EPHB1: variants seen among roughly 807,000 people sequenced by gnomAD.
EPHB1 encodes the protein ephrin type-B receptor 1.
In EPHB1, 30 loss-of-function variants were observed where a neutral mutation model predicts 94.4. That is an observed-to-expected ratio of 0.32 (90% CI 0.24 to 0.43). EPHB1 has a LOEUF of 0.43. Among genes scored for constraint, EPHB1 ranks in the 20% least tolerant of loss-of-function variants. EPHB1 has a pLI of 1.00. For synonymous variants in EPHB1, 522 were observed against 489.1 expected (o/e 1.07, Z -0.89); for missense variants, 1,055 against 1,308.3 (o/e 0.81, Z 2.99).
intron 12 of EPHB1, among the ~76,000 whole-genome samples, chr3:135,239,286 C>CTT (rs5852812): frequency 5.1e-4 from 77 of 150,298 alleles, no homozygotes; most frequent in African/African-American, 8.3e-4. Context: ...CTGTTTGCTC[C>CTT]TTTTTTTTTT....
chr3:134,998,487 G>A (rs1238143351), intron 3 of EPHB1, among the ~76,000 whole-genome samples: 1 of 152,182 alleles, frequency 6.6e-6, no homozygotes, highest in Non-Finnish European at 1.5e-5. Flanking sequence ...GTTAGGATGA[G>A]CATGTACTAA....
At chr3:134,807,553 G>A (rs1158897217) in intron 1 of EPHB1, among the ~76,000 whole-genome samples, 1 of 145,966 alleles carries the variant, frequency 6.9e-6, no homozygotes, top group Non-Finnish European at 1.5e-5. Context: ...GAGAGAGAGG[G>A]GAGAGAGAGA....
rs1229672753 is a variant in EPHB1 at position 134,795,326 on chromosome 3, G to C, written c.-306G>C. On this transcript the variant is annotated 5_prime_UTR_variant, in exon 1 of 16. Coordinates refer to ENST00000398015, the MANE Select transcript of EPHB1 (RefSeq NM_004441.5). ...AGCAATGTGACACCAGGACGCACTCGCTCTCGCGCGCTCTCCCAGGCTCGT... is the reference window on the plus strand; with the variant it reads ...AGCAATGTGACACCAGGACGCACTCCCTCTCGCGCGCTCTCCCAGGCTCGT... 2.1e-6 allele frequency: 1 copy of C among 473,598 alleles called. No homozygotes were observed. The highest frequency in any genetic ancestry group is 2.1e-5 in the African/African-American group (1 of 48,330). 29.3% of individuals were successfully genotyped at this position (473,598 alleles called of 1,614,324 possible). A position where few individuals can be genotyped will look rare whatever the true frequency, so the allele number is the denominator to read the frequency against.
chr3:135,033,121 C>T (rs2107761698), intron 3 of EPHB1, among the ~76,000 whole-genome samples: 1 of 152,264 alleles, frequency 6.6e-6, no homozygotes. Flanking sequence ...GAGCAGTGAC[C>T]ACCGTAATAA....
At chr3:134,925,168 C>G (rs2038764408) in intron 1 of EPHB1, among the ~76,000 whole-genome samples, 1 of 152,220 alleles carries the variant, frequency 6.6e-6, no homozygotes, top group East Asian at 1.9e-4. Context: ...TGTGGCCACC[C>G]TTGCCACTTC....
At chr3:135,042,565 C>T (rs1936885544) in intron 3 of EPHB1, among the ~76,000 whole-genome samples, 1 of 152,192 alleles carries the variant, frequency 6.6e-6, no homozygotes, top group Non-Finnish European at 1.5e-5. Flanking sequence ...CCAGCAACCA[C>T]CCTGCTGAGG....
At chr3:135,173,326 G>A (rs1050759961) in intron 9 of EPHB1, among the ~76,000 whole-genome samples, 11 of 152,160 alleles carry the variant, frequency 7.2e-5, no homozygotes, top group Admixed American at 3.3e-4. Flanking sequence ...GAGCCACCGC[G>A]CCCGGCCTGA....
chr3:135,254,668 A>C (rs911964628), intron 15 of EPHB1, among the ~76,000 whole-genome samples: 3 of 145,038 alleles, frequency 2.1e-5, no homozygotes, highest in African/African-American at 7.5e-5. Flanking sequence ...TATTGGTCTA[A>C]AATTCTCTTT....
intron 1 of EPHB1, among the ~76,000 whole-genome samples, chr3:134,811,887 G>A (rs2036187057): frequency 6.6e-6 from 1 of 152,164 alleles, no homozygotes; most frequent in Admixed American, 6.5e-5. Flanking sequence ...GCCCCCTATT[G>A]AGCAGGTATT....
chr3:135,134,080 A>ATC (rs1267327834), intron 5 of EPHB1, among the ~76,000 whole-genome samples: 2 of 152,244 alleles, frequency 1.3e-5, no homozygotes, highest in African/African-American at 4.8e-5. Context: ...AAAATGAGCA[A>ATC]TCTCTCTCCC....
intron 3 of EPHB1, among the ~76,000 whole-genome samples, chr3:134,989,248 A>G (rs1300088018): frequency 1.3e-5 from 2 of 152,216 alleles, no homozygotes; most frequent in East Asian, 1.9e-4. Context: ...TTACTGCACC[A>G]GAGGGGGAAC....
intron 1 of EPHB1, among the ~76,000 whole-genome samples, chr3:134,923,955 C>T (rs1452195325): frequency 6.6e-6 from 1 of 152,152 alleles, no homozygotes; most frequent in South Asian, 2.1e-4. Context: ...AGCTATGCAG[C>T]TGGGAGATGC....
chr3:134,981,518 AC>A (rs1934401706), intron 3 of EPHB1, among the ~76,000 whole-genome samples: 1 of 152,208 alleles, frequency 6.6e-6, no homozygotes, highest in Admixed American at 6.5e-5. Context: ...GTCTAATCCC[AC>A]CTCAAAATGG....
chr3:135,085,062 G>C (rs1938304981), intron 3 of EPHB1, among the ~76,000 whole-genome samples: 1 of 152,198 alleles, frequency 6.6e-6, no homozygotes, highest in Non-Finnish European at 1.5e-5. Flanking sequence ...GGTATTCAGA[G>C]TCAGTATTCA....
chr3:134,938,586 GAC>G (rs938072990), intron 2 of EPHB1, among the ~76,000 whole-genome samples: 5 of 152,186 alleles, frequency 3.3e-5, no homozygotes, highest in Middle Eastern at 3.2e-3. Flanking sequence ...GGTGCTGACA[GAC>G]AGACAGAAGA....
intron 3 of EPHB1, among the ~76,000 whole-genome samples, chr3:135,077,998 C>A (rs183948736): frequency 1.1e-4 from 16 of 152,300 alleles, no homozygotes; most frequent in Admixed American, 2.6e-4. Context: ...TTCACAAAAT[C>A]TTTTGAAGTA....
Position 134,945,048 on chromosome 3 carries a change from C to A in EPHB1, c.124-6323C>A, listed in dbSNP as rs777652598. 2.6e-5 allele frequency among the ~76,000 whole-genome samples: 4 copies of A among 152,272 alleles called. No homozygotes were observed. The East Asian group carries it at 7.7e-4, about 29-fold the overall frequency. On this transcript the variant is annotated intron_variant, in intron 2 of 15. Coordinates refer to ENST00000398015, the MANE Select transcript of EPHB1 (RefSeq NM_004441.5). ...CTTTTCATATATTTAAGAGTTATAT[C>A]TATGTCTTTTTTAGTGAACAGTTTG...
At chr3:135,235,997 A>T (rs1204566801) in intron 12 of EPHB1, among the ~76,000 whole-genome samples, 1 of 152,222 alleles carries the variant, frequency 6.6e-6, no homozygotes, top group Non-Finnish European at 1.5e-5. Context: ...CTAGGAACTT[A>T]ACAGTGGTAT....
chr3:135,088,619 T>C (rs2107790279), intron 3 of EPHB1, among the ~76,000 whole-genome samples: 1 of 152,284 alleles, frequency 6.6e-6, no homozygotes, highest in African/African-American at 2.4e-5. Flanking sequence ...CTGCTTGAGT[T>C]CCAACCATCA....
Sources: gnomAD v4.1 joint callset for allele counts (sites outside exome capture counted in the v4.1 genomes callset) on GRCh38, gnomAD v4.1.1 for gene constraint, MANE v1.5 for transcripts, NCBI Gene and HGNC (gene_info 2026-07-23, HGNC 2026-07-21) for gene names.